Variants in SLC39A11 observed in about 807,000 individuals in gnomAD.
SLC39A11 encodes solute carrier family 39 member 11, also known as zinc transporter ZIP11.
Under a neutral mutation model 36.1 loss-of-function variants are expected in SLC39A11, and 33 were observed. That is an observed-to-expected ratio of 0.91 (90% CI 0.69 to 1.22). The LOEUF is 1.22. SLC39A11 is among the 50% of genes most tolerant of loss of function. SLC39A11 has a pLI of 0.00. For missense variants in SLC39A11, 432 were observed against 430.3 expected, an observed-to-expected ratio of 1.00 and a Z score of -0.03; for synonymous variants, 166 against 170.3, an observed-to-expected ratio of 0.97 and a Z score of 0.20.
At chr17:72,729,401 CTATTTATATA>C (rs1257588858) in intron 7 of SLC39A11, among the ~76,000 whole-genome samples, 28 of 62,362 alleles carry the variant, frequency 4.5e-4, no homozygotes, top group African/African-American at 1.2e-3. Context: ...CCCCACCTGG[CTATTTATATA>C]TATATATATA....
At chr17:72,913,566 T>C (rs1283555259) in intron 5 of SLC39A11, among the ~76,000 whole-genome samples, 23 of 150,464 alleles carry the variant, frequency 1.5e-4, no homozygotes, top group Non-Finnish European at 8.9e-5. Flanking sequence ...AAGGATGAAG[T>C]AGGGGGTAGG....
intron 7 of SLC39A11, among the ~76,000 whole-genome samples, chr17:72,728,732 C>T (rs983583573): frequency 2.0e-5 from 3 of 152,142 alleles, no homozygotes; most frequent in Non-Finnish European, 4.4e-5. Context: ...CTATCTGGCT[C>T]AGTTAGCTTG....
intron 3 of SLC39A11, chr17:73,072,188 C>G (rs2060181940): frequency 6.6e-6 from 1 of 152,174 alleles, no homozygotes; most frequent in Admixed American, 6.6e-5. Flanking sequence ...GGAAGGATGC[C>G]CCCAAACAAA....
intron 6 of SLC39A11, among the ~76,000 whole-genome samples, chr17:72,800,578 T>C (rs1370842560): frequency 6.6e-6 from 1 of 152,124 alleles, no homozygotes; most frequent in Non-Finnish European, 1.5e-5. Context: ...CCCAAAGTGC[T>C]AGATTACAGT....
chr17:73,071,610 C>T (rs1388464470), intron 3 of SLC39A11, among the ~76,000 whole-genome samples: 1 of 152,178 alleles, frequency 6.6e-6, no homozygotes, highest in Non-Finnish European at 1.5e-5. Flanking sequence ...CACCAGACCT[C>T]AGAAAACCGT....
chr17:72,692,394 C>T (rs2072075244), intron 7 of SLC39A11, among the ~76,000 whole-genome samples: 1 of 152,164 alleles, frequency 6.6e-6, no homozygotes. Context: ...CTAATAAAGA[C>T]ATACCTGAGA....
intron 5 of SLC39A11, among the ~76,000 whole-genome samples, chr17:72,853,093 C>T (rs2079446898): frequency 6.6e-6 from 1 of 152,178 alleles, no homozygotes; most frequent in South Asian, 2.1e-4. Context: ...CAGCTCACTG[C>T]AGCCTCCACC....
intron 3 of SLC39A11, among the ~76,000 whole-genome samples, chr17:73,062,202 G>A (rs984943440): frequency 6.6e-6 from 1 of 150,924 alleles, no homozygotes; most frequent in Non-Finnish European, 1.5e-5. Flanking sequence ...GTTCATACCT[G>A]TAATCCCAGC....
intron 7 of SLC39A11, among the ~76,000 whole-genome samples, chr17:72,661,004 C>A (rs912457420): frequency 1.3e-5 from 2 of 152,196 alleles, no homozygotes; most frequent in African/African-American, 4.8e-5. Flanking sequence ...ACAAAAACTG[C>A]TCAGACTGAG....
At chr17:72,879,094 G>A (rs548066175) in intron 5 of SLC39A11, among the ~76,000 whole-genome samples, 9 of 152,356 alleles carry the variant, frequency 5.9e-5, no homozygotes, top group South Asian at 4.1e-4. Context: ...GGAAGGGGGC[G>A]TGGAGCTTCC....
intron 6 of SLC39A11, chr17:72,837,959 G>C: frequency 8.1e-7 from 1 of 1,230,522 alleles, no homozygotes; most frequent in Non-Finnish European, 1.0e-6. Context: ...AAAGAGTGTG[G>C]GGTTTCTTTA....
chr17:73,072,054 A>T (rs2060177795), intron 3 of SLC39A11, among the ~76,000 whole-genome samples: 1 of 152,224 alleles, frequency 6.6e-6, no homozygotes, highest in South Asian at 2.1e-4. Context: ...AGAGCAACTA[A>T]TAAGAGTCAC....
At chr17:72,674,962 T>C (rs1567932628) in intron 7 of SLC39A11, among the ~76,000 whole-genome samples, 1 of 56,078 alleles carries the variant, frequency 1.8e-5, no homozygotes, top group Non-Finnish European at 4.1e-5. Flanking sequence ...AAGTCGTTCA[T>C]TGGAAAAAAA....
intron 6 of SLC39A11, among the ~76,000 whole-genome samples, chr17:72,754,020 G>GTATATATATATATATATA (rs58028460): frequency 9.2e-6 from 1 of 108,352 alleles, no homozygotes; most frequent in African/African-American, 3.8e-5. Context: ...ATGTATATAT[G>GTATATATATATATATATA]TATATATATA....
intron 5 of SLC39A11, among the ~76,000 whole-genome samples, chr17:72,919,544 C>A (rs774441310): frequency 6.6e-6 from 1 of 151,490 alleles, no homozygotes; most frequent in Non-Finnish European, 1.5e-5. Context: ...TGGTGGCGGG[C>A]GCCTGTAGTC....
At position 72,652,179 on chromosome 17, in the gene SLC39A11, G is replaced by C. The variant is rs913814567; in HGVS notation, c.672-2911C>G. Reference sequence around the variant, plus strand: ...TAAAACTTTATCTACACAAATGAGTGGGGGGCCAGATTTGGCCCATGGGCT... The same window carrying C: ...TAAAACTTTATCTACACAAATGAGTCGGGGGCCAGATTTGGCCCATGGGCT... On this transcript the variant is annotated intron_variant, in intron 7 of 9. Transcript: ENST00000255559. Among the ~76,000 whole-genome samples the C allele has an allele frequency of 3.9e-5, 6 of 152,292 alleles. No individual in the cohort carries two copies. In the South Asian group the frequency reaches 1.0e-3, roughly 26 times the overall value.
At chr17:72,748,291 C>T (rs1244874388) in intron 6 of SLC39A11, among the ~76,000 whole-genome samples, 4 of 149,364 alleles carry the variant, frequency 2.7e-5, no homozygotes, top group Non-Finnish European at 5.9e-5. Context: ...CATTGCCCTC[C>T]AGCCTGGGCA....
intron 6 of SLC39A11, among the ~76,000 whole-genome samples, chr17:72,779,693 C>A (rs760554446): frequency 1.3e-5 from 2 of 152,154 alleles, no homozygotes; most frequent in Non-Finnish European, 2.9e-5. Context: ...AGGGGAAATT[C>A]ACACCTTCTG....
intron 7 of SLC39A11, among the ~76,000 whole-genome samples, chr17:72,711,300 A>T (rs1273611481): frequency 6.6e-6 from 1 of 152,202 alleles, no homozygotes; most frequent in Non-Finnish European, 1.5e-5. Context: ...CTTCTGGCCA[A>T]AAAAATGTGA....
Sources: allele counts gnomAD v4.1 joint callset (sites outside exome capture counted in the v4.1 genomes callset), GRCh38; gene constraint gnomAD v4.1.1; transcripts MANE v1.5; gene names NCBI Gene and HGNC (gene_info 2026-07-23, HGNC 2026-07-21).